CROCC: variants seen among roughly 807,000 people sequenced by gnomAD.
CROCC encodes the protein rootletin.
In CROCC, 180 loss-of-function variants were observed where a neutral mutation model predicts 245.2. That is an observed-to-expected ratio of 0.73 (90% CI 0.65 to 0.83). The LOEUF (loss-of-function observed/expected upper bound fraction) is 0.83. CROCC is among the 40% of genes least tolerant of loss of function. CROCC has a pLI of 0.00. For synonymous variants in CROCC, 1,205 were observed against 1,241.6 expected, an observed-to-expected ratio of 0.97 and a Z score of 0.62; for missense variants, 2,688 against 2,779.4, an observed-to-expected ratio of 0.97 and a Z score of 0.74.
At chr1:16,962,014 A>T (rs924238696) in intron 27 of CROCC, among the ~76,000 whole-genome samples, 3 of 152,090 alleles carry the variant, frequency 2.0e-5, no homozygotes, top group African/African-American at 7.2e-5. Context: ...GATACCAAAT[A>T]CAGCTAAGTG....
chr1:16,970,957 G>T (rs190142114), intron 35 of CROCC, 190 bp downstream of exon 35: 4 of 578,104 alleles, frequency 6.9e-6, no homozygotes, highest in African/African-American at 5.7e-5. Flanking sequence ...GACACGAAAG[G>T]CCTGTTTGCA....
In CROCC at chr1:16,966,494, C is replaced by T. The variant is rs990297844; in HGVS notation, c.4783C>T (p.Arg1595Cys). Residue 1595 changes from arginine to cysteine, a missense_variant, in exon 30 of 37, where the codon CGC (arginine) becomes TGC (cysteine). Physicochemically the swap from Arg to Cys is radical, Grantham distance 180. This residue lies in a region of CROCC where 1,218 missense variants were observed against 1,286.3 expected (regional missense o/e 0.95). Coordinates refer to ENST00000375541, the MANE Select transcript of CROCC (RefSeq NM_014675.5). This position sits in a 1 kb window ranked among gnomAD's most constrained non-coding sequence, Gnocchi z 4.8. Reference protein sequence around the residue: ...EESVRRSERERRATLDQVATL... With the variant: ...EESVRRSERECRATLDQVATL... ...GAGTGTGCGGCGCAGTGAGCGGGAG[C>T]GCCGGGCCACGCTGGACCAGGTGGC... The T allele has an allele frequency of 1.6e-5, 24 of 1,532,168 alleles. No individual in the cohort carries two copies. Among genetic ancestry groups the T allele is most frequent in the African/African-American group, 2.7e-5 (2 of 72,920 alleles). 94.9% of individuals were successfully genotyped at this position (1,532,168 alleles called of 1,614,324 possible).
In CROCC at chr1:16,965,852, G is replaced by A. The variant is rs139131241; in HGVS notation, c.4535G>A (p.Arg1512Gln). The change falls in exon 28 of 37, where the codon CGG becomes CAG. Residue 1512 changes from arginine to glutamine, a missense_variant. Physicochemically the swap from Arg to Gln is conservative, Grantham distance 43. Transcript: ENST00000375541. The stretch of plus-strand genomic sequence containing the variant: ...CCGGAGGCAGTGCGCGGGGCCCTCC[G>A]GGAATTCCTGCAAGAGCTGCGGAGT... Reference protein sequence around the residue: ...LDPEAVRGALREFLQELRSAQ... With the variant: ...LDPEAVRGALQEFLQELRSAQ... 5,217 of 1,613,602 alleles carry A rather than the reference G, an allele frequency of 3.2e-3. 14 individuals carry two copies. Among genetic ancestry groups the A allele is most frequent in the Non-Finnish European group, 3.8e-3 (4,513 of 1,180,014 alleles).
At chr1:16,926,159 G>T (rs1190724411) in intron 3 of CROCC, among the ~76,000 whole-genome samples, 4 of 152,256 alleles carry the variant, frequency 2.6e-5, no homozygotes, top group Non-Finnish European at 5.9e-5. Context: ...CGCAGAGGGC[G>T]CCCGCTGCTT....
intron 7 of CROCC, 67 bp from the exon 8 acceptor site, chr1:16,931,224 G>C: frequency 7.2e-7 from 1 of 1,380,240 alleles, no homozygotes; most frequent in Non-Finnish European, 1.0e-6. Flanking sequence ...TCGGAGATGA[G>C]GGAAGCAGTG....
chr1:16,971,415 C>G, intron 35 of CROCC, 50 bp from the exon 36 acceptor site: 2 of 1,487,366 alleles, frequency 1.3e-6, no homozygotes, highest in Non-Finnish European at 1.8e-6. Flanking sequence ...CACACATGCA[C>G]ACACACACTC....
At chr1:16,918,967 C>G (rs1276049976), upstream of CROCC, among the ~76,000 whole-genome samples, 13 of 152,402 alleles carry the variant, frequency 8.5e-5, no homozygotes, top group Admixed American at 3.9e-4. Flanking sequence ...GAATTCCTGA[C>G]CTCAAGTGAT....
rs138426884 is a variant in CROCC, at chr1:16,922,705, G to A, written c.103G>A (p.Ala35Thr). ...SVLCQEKGLG[A>T]RDLAQDAQIT... ...CCTGTGCCAGGAGAAAGGCTTGGGC[G>A]CGCGGGACCTGGCCCAGGACGCTCA... The change falls in exon 2 of 37, where the codon GCG (alanine) becomes ACG (threonine). Residue 35 changes from alanine to threonine, a missense_variant. Ala to Thr is a moderately conservative substitution (Grantham distance 58). This residue lies in a region of CROCC where 972 missense variants were observed against 895.3 expected (regional missense o/e 1.09). Transcript: ENST00000375541. The A allele has an allele frequency of 8.2e-4, 1,326 of 1,613,222 alleles. No homozygotes were observed. The highest frequency in any genetic ancestry group is 1.1e-3 in the Admixed American group (63 of 59,942).
At chr1:16,920,068 A>ATATTTATT (rs1248574765), upstream of CROCC, among the ~76,000 whole-genome samples, 2 of 144,084 alleles carry the variant, frequency 1.4e-5, no homozygotes, top group African/African-American at 5.1e-5. Flanking sequence ...AATTTTTTTT[A>ATATTTATT]TATTTATTTA....
upstream of CROCC, among the ~76,000 whole-genome samples, chr1:16,919,246 G>A (rs1357464421): frequency 6.6e-6 from 1 of 152,394 alleles, no homozygotes; most frequent in East Asian, 1.9e-4. Context: ...AAGCGCAAAT[G>A]CCTCGGCCTT....
At position 16,936,743 on chromosome 1, in the gene CROCC, G is replaced by A; in HGVS notation, c.1063G>A (p.Ala355Thr). 6.2e-7 allele frequency: 1 copy of A among 1,609,344 alleles called. No individual in the cohort carries two copies. The highest frequency in any genetic ancestry group is 8.5e-7 in the Non-Finnish European group (1 of 1,178,748). Residue 355 changes from alanine (A) to threonine (T), a missense_variant, in exon 9 of 37, where the codon GCA becomes ACA. Physicochemically the swap from Ala to Thr is moderately conservative, Grantham distance 58 (BLOSUM62 0). Transcript: ENST00000375541. ...ACGGCTGGCAGAGAGCCGGGCCGAG[G>A]CAGCCCTGGAGAAACAGGCCCTGCT... ...GLRLAESRAE[A>T]ALEKQALLQA...
chr1:16,938,999 G>C lies in CROCC; in HGVS notation c.1465G>C (p.Gly489Arg), dbSNP rs373471654. 4.0e-4 allele frequency: 649 copies of C among 1,604,088 alleles called. No homozygotes were observed. The African/African-American group carries it at 8.3e-3, about 21-fold the overall frequency. ...CAACGGCAGCCTGCGGGGGCTCTCG[G>C]GCCAGCGGACCCCGTCCCCACCGCG... ...ASNGSLRGLS[G>R]QRTPSPPRRS... The change falls in exon 12 of 37, where the codon GGC becomes CGC. Residue 489 changes from glycine to arginine, a missense_variant. This residue lies in a region of CROCC where 972 missense variants were observed against 895.3 expected (regional missense o/e 1.09). Coordinates refer to ENST00000375541, the MANE Select transcript of CROCC (RefSeq NM_014675.5).
Position 16,943,552 on chromosome 1 carries a change from A to AC in CROCC, c.1809-548_1809-547insC, listed in dbSNP as rs1570647361. ...GACTCCGTCTCAAAAAAAAAAAATAAAACAAAATCACGCTGTGAAGTTTTT... is the reference window on the plus strand; with the variant it reads ...GACTCCGTCTCAAAAAAAAAAAATAACAACAAAATCACGCTGTGAAGTTTTT... On this transcript the variant is annotated intron_variant, in intron 13 of 36. Transcript: ENST00000375541. 2.0e-5 allele frequency among the ~76,000 whole-genome samples: 3 copies of AC among 152,314 alleles called. No individual in the cohort carries two copies. The East Asian group carries it at 5.8e-4, about 29-fold the overall frequency.
chr1:16,918,300 C>CTTTTTT (rs201445636), upstream of CROCC, among the ~76,000 whole-genome samples: 8 of 123,882 alleles, frequency 6.5e-5, no homozygotes, highest in Admixed American at 8.6e-5. Flanking sequence ...GGAATTCAGT[C>CTTTTTT]TTTTTTTTTT....
chr1:16,971,627 G>A lies in CROCC; in HGVS notation c.5947G>A (p.Val1983Met), dbSNP rs1275661901. The A allele has an allele frequency of 1.3e-6, 2 of 1,506,044 alleles. No homozygotes were observed. The highest frequency in any genetic ancestry group is 2.5e-5 in the South Asian group (2 of 80,660). 93.3% of individuals were successfully genotyped at this position (1,506,044 alleles called of 1,614,324 possible). A position where few individuals can be genotyped will look rare whatever the true frequency, so the allele number is the denominator to read the frequency against. The change falls in exon 36 of 37, where the codon GTG becomes ATG. Residue 1983 changes from valine to methionine, a missense_variant. Transcript: ENST00000375541. ...EARERAHRQRVRGLEEQVSTL... is the reference protein window; with the variant it reads ...EARERAHRQRMRGLEEQVSTL... ...TCGGGAGCGGGCCCACCGCCAGAGG[G>A]TGCGTGGGCTGGAGGAGCAGGTGTG...
chr1:16,948,304 G>C, intron 17 of CROCC, 27 bp from the exon 18 acceptor site: 1 of 1,534,122 alleles, frequency 6.5e-7, no homozygotes, highest in Non-Finnish European at 8.7e-7. Context: ...CGCTGGGAGT[G>C]CTACTCAGTC....
chr1:16,917,147 C>G (rs1156337541), upstream of CROCC, among the ~76,000 whole-genome samples: 1 of 152,272 alleles, frequency 6.6e-6, no homozygotes, highest in Admixed American at 6.5e-5. Context: ...AAACAAAAAC[C>G]CTTTGGAATC....
chr1:16,966,542 G>A lies in CROCC; in HGVS notation c.4831G>A (p.Ala1611Thr). ...GGCCACACTGGAGAGGAGCCTGCAG[G>A]CCACCGAGAGCGAGCTCCGGGCCAG... Reference protein sequence around the residue: ...QVATLERSLQATESELRASQE... With the variant: ...QVATLERSLQTTESELRASQE... Residue 1611 changes from alanine (A) to threonine (T), a missense_variant, in exon 30 of 37, where the codon GCC becomes ACC. This residue lies in a region of CROCC where 1,218 missense variants were observed against 1,286.3 expected (regional missense o/e 0.95). Transcript: ENST00000375541. This position sits in a 1 kb window ranked among gnomAD's most constrained non-coding sequence, Gnocchi z 4.8. The A allele has an allele frequency of 6.7e-7, 1 of 1,493,352 alleles. No individual in the cohort carries two copies. The highest frequency in any genetic ancestry group is 8.9e-7 in the Non-Finnish European group (1 of 1,124,880). 92.5% of individuals were successfully genotyped at this position (1,493,352 alleles called of 1,614,324 possible).
In CROCC at chr1:16,972,509, C is replaced by A. The variant is rs2076538897; in HGVS notation, c.*63C>A. On this transcript the variant is annotated 3_prime_UTR_variant, in exon 37 of 37. Transcript: ENST00000375541. ...GACAGGGGAGGACCCTTCTTTTGGACAGCCCCCCCACCCAGAGCCCGGTCC... is the reference window on the plus strand; with the variant it reads ...GACAGGGGAGGACCCTTCTTTTGGAAAGCCCCCCCACCCAGAGCCCGGTCC... 1.5e-5 allele frequency: 16 copies of A among 1,065,180 alleles called. No homozygotes were observed. Among genetic ancestry groups the A allele is most frequent in the South Asian group, 4.9e-5 (3 of 61,028 alleles). 66.0% of individuals were successfully genotyped at this position (1,065,180 alleles called of 1,614,324 possible).
Sources: gnomAD v4.1 joint callset for allele counts (sites outside exome capture counted in the v4.1 genomes callset) on GRCh38, gnomAD v4.1.1 for gene constraint, gnomAD v4.1.1 regional missense constraint, Gnocchi (gnomAD v3.1) non-coding constraint, MANE v1.5 for transcripts, NCBI Gene and HGNC (gene_info 2026-07-23, HGNC 2026-07-21) for gene names.